DPY19L3: variants seen among roughly 807,000 people sequenced by gnomAD.
DPY19L3 encodes the protein protein C-mannosyl-transferase DPY19L3.
Under a neutral mutation model 92.3 loss-of-function variants are expected in DPY19L3, and 51 were observed. The observed-to-expected ratio is 0.55, with a 90% CI of 0.44 to 0.70. The LOEUF (loss-of-function observed/expected upper bound fraction) is 0.70, where lower values mean the gene tolerates loss of function less well. DPY19L3 is among the 30% of genes least tolerant of loss of function. DPY19L3 has a pLI of 0.00. For synonymous variants in DPY19L3, 309 were observed against 315.2 expected (o/e 0.98, Z 0.21); for missense variants, 706 against 855.9 (o/e 0.82, Z 2.18).
intron 8 of DPY19L3, among the ~76,000 whole-genome samples, chr19:32,451,727 A>C (rs34097184): frequency 0.013 from 2,030 of 152,212 alleles, 22 homozygotes; most frequent in Middle Eastern, 0.034. Flanking sequence ...CGTGTATTCA[A>C]GTTAGTTGTG....
chr19:32,439,191 G>T lies in DPY19L3; in HGVS notation c.676G>T (p.Ala226Ser), dbSNP rs762639315. ...ALPFFAIQIA[A>S]ITYFLRPNLQ... ...GCCATTCTTTGCAATTCAGATAGCAGCAATTACATATTTCCTGAGACCAAA... is the reference window on the plus strand; with the variant it reads ...GCCATTCTTTGCAATTCAGATAGCATCAATTACATATTTCCTGAGACCAAA... Residue 226 changes from alanine to serine, a missense_variant, in exon 7 of 19, where the codon GCA becomes TCA. Coordinates refer to ENST00000392250, the MANE Select transcript of DPY19L3 (RefSeq NM_001172774.2). The T allele has an allele frequency of 6.2e-7, 1 of 1,613,672 alleles. No homozygotes were observed. Among genetic ancestry groups the T allele is most frequent in the African/African-American group, 1.3e-5 (1 of 75,036 alleles).
intron 3 of DPY19L3, among the ~76,000 whole-genome samples, chr19:32,430,900 T>C (rs1424609174): frequency 2.0e-5 from 3 of 151,548 alleles, no homozygotes; most frequent in Admixed American, 2.0e-4. Flanking sequence ...AGTGCATGGC[T>C]ATAGGCATGA....
Position 32,451,816 on chromosome 19 carries a change from G to A in DPY19L3, c.856-1329G>A, listed in dbSNP as rs142334402. Among the ~76,000 whole-genome samples, 768 of 152,126 alleles carry A rather than the reference G, an allele frequency of 5.0e-3. 8 individuals are homozygous for A. Among genetic ancestry groups the A allele is most frequent in the Non-Finnish European group, 7.1e-3 (485 of 67,996 alleles). On this transcript the variant is annotated intron_variant, in intron 8 of 18. Transcript: ENST00000392250. ...ATCCTTAGTGCTCATTATGTGCCAG[G>A]CATTTCCTCCCCACCCACGCCTCCC...
At chr19:32,466,463 G>A (rs552207927) in intron 15 of DPY19L3, among the ~76,000 whole-genome samples, 34 of 152,334 alleles carry the variant, frequency 2.2e-4, no homozygotes, top group Admixed American at 4.6e-4. Context: ...CGCTGGGGGC[G>A]GGGGCGGTCC....
intron 8 of DPY19L3, among the ~76,000 whole-genome samples, chr19:32,447,562 G>A (rs1025371727): frequency 2.3e-4 from 35 of 151,872 alleles, no homozygotes; most frequent in Admixed American, 9.2e-4. Context: ...ACTAAAAATA[G>A]AAAAATTAGC....
At chr19:32,438,940 C>A in intron 6 of DPY19L3, 172 bp from the exon 7 acceptor site, 1 of 710,552 alleles carries the variant, frequency 1.4e-6, no homozygotes, top group Non-Finnish European at 2.2e-6. Context: ...TTTTATGTTA[C>A]AGGGATGATG....
chr19:32,419,680 C>T (rs1338406534), intron 3 of DPY19L3, among the ~76,000 whole-genome samples: 1 of 152,078 alleles, frequency 6.6e-6, no homozygotes, highest in Admixed American at 6.6e-5. Flanking sequence ...GCAAGCCTCC[C>T]ACCTGGGCCT....
At chr19:32,467,262 G>C (rs532801853) in intron 15 of DPY19L3, among the ~76,000 whole-genome samples, 1 of 152,196 alleles carries the variant, frequency 6.6e-6, no homozygotes, top group African/African-American at 2.4e-5. Flanking sequence ...AACATTTTCA[G>C]AATTAATAAC....
rs771788203 is a variant in DPY19L3, at chr19:32,482,167, C to T, written c.2078C>T (p.Pro693Leu). 1.1e-5 allele frequency: 17 copies of T among 1,613,830 alleles called. No individual in the cohort carries two copies. The South Asian group carries it at 1.9e-4, about 18-fold the overall frequency. ...FCEEIKRNLP[P>L]YVAYFTRVFQ... ...GAAGAGATCAAAAGAAACCTGCCTC[C>T]CTACGTGGCCTACTTCACCAGAGTG... The change falls in exon 19 of 19, where the codon CCC becomes CTC. Residue 693 changes from proline to leucine, a missense_variant. By Grantham distance (98) the Pro-to-Leu change is moderately conservative. Transcript: ENST00000392250.
chr19:32,436,343 T>C, intron 4 of DPY19L3, 103 bp from the exon 5 acceptor site: 1 of 848,254 alleles, frequency 1.2e-6, no homozygotes, highest in Non-Finnish European at 1.6e-6. Context: ...CCCCAATGCC[T>C]ACCACAGTCT....
In DPY19L3 at chr19:32,470,683, A is replaced by G. The variant is rs76955534; in HGVS notation, c.1697+1870A>G. Among the ~76,000 whole-genome samples, 11 of 148,018 alleles carry G rather than the reference A, an allele frequency of 7.4e-5. No individual in the cohort carries two copies. In the East Asian group the frequency reaches 1.8e-3, roughly 25 times the overall value. ...GTAAAGAAGAGAATACAAGTGTCCT[A>G]TTTCCCTCGTTTGGGAGGTGATGTT... On this transcript the variant is annotated intron_variant, in intron 16 of 18. Coordinates refer to ENST00000392250, the MANE Select transcript of DPY19L3 (RefSeq NM_001172774.2).
chr19:32,421,369 GTGGCTCACGCC>G (rs1196541959), intron 3 of DPY19L3, among the ~76,000 whole-genome samples: 1 of 152,192 alleles, frequency 6.6e-6, no homozygotes, highest in African/African-American at 2.4e-5. Flanking sequence ...GCCAGGCAAG[GTGGCTCACGCC>G]TGTAATCCCA....
chr19:32,408,091 G>GAAAAAAA lies in DPY19L3; in HGVS notation c.-37-123_-37-117dup, dbSNP rs993782644. ...CAGTGAGACCCTGTCTTGGGGGGAA[G>GAAAAAAA]AAAAAAAAAGGGAGGGCATGCTAAT... is the stretch of plus-strand genomic sequence containing the variant. On this transcript the variant is annotated intron_variant, in intron 1 of 18. Coordinates refer to ENST00000392250, the MANE Select transcript of DPY19L3 (RefSeq NM_001172774.2). The GAAAAAAA allele has an allele frequency of 8.9e-5, 52 of 586,712 alleles. No individual in the cohort carries two copies. The South Asian group carries it at 1.1e-3, about 12-fold the overall frequency. 36.3% of individuals were successfully genotyped at this position (586,712 alleles called of 1,614,324 possible).
In DPY19L3 at chr19:32,457,780, A is replaced by T. The variant is rs544279601; in HGVS notation, c.1090-320A>T. Among the ~76,000 whole-genome samples, 7 of 152,352 alleles carry T rather than the reference A, an allele frequency of 4.6e-5. No homozygotes were observed. The East Asian group carries it at 1.3e-3, about 29-fold the overall frequency. On this transcript the variant is annotated intron_variant, in intron 10 of 18. Transcript: ENST00000392250. ...TGTCAGTTTTCTGGTCTGAAAACTTATGCACACTATGCCTCAGCCTTCTCC... is the reference window on the plus strand; with the variant it reads ...TGTCAGTTTTCTGGTCTGAAAACTTTTGCACACTATGCCTCAGCCTTCTCC...
intron 8 of DPY19L3, among the ~76,000 whole-genome samples, chr19:32,451,206 T>C (rs1230314712): frequency 6.6e-6 from 1 of 152,234 alleles, no homozygotes; most frequent in East Asian, 1.9e-4. Context: ...ATTTAAAATT[T>C]AAGTTTTCAC....
intron 8 of DPY19L3, among the ~76,000 whole-genome samples, chr19:32,440,594 A>C (rs1030607649): frequency 3.3e-5 from 5 of 152,218 alleles, no homozygotes; most frequent in Non-Finnish European, 7.3e-5. Context: ...AAGGAGATCC[A>C]GTAAGCTTCC....
rs781287756 is a variant in DPY19L3 at position 32,458,349 on chromosome 19, A to G, written c.1164-2A>G. On this transcript the variant is annotated splice_acceptor_variant, in intron 11 of 18. Coordinates refer to ENST00000392250, the MANE Select transcript of DPY19L3 (RefSeq NM_001172774.2). LOFTEE classifies it high-confidence loss of function. The stretch of plus-strand genomic sequence containing the variant: ...ATACTTTGCTTTCCATTTGTTCCCT[A>G]GGGATTTTGATGCAAATCTCTATCT... The G allele has an allele frequency of 6.2e-7, 1 of 1,609,762 alleles. No homozygotes were observed.
intron 12 of DPY19L3, among the ~76,000 whole-genome samples, chr19:32,459,527 A>C (rs975042750): frequency 2.0e-5 from 3 of 152,230 alleles, no homozygotes; most frequent in Admixed American, 6.5e-5. Flanking sequence ...ATCCTTGAGA[A>C]GTGTTCTTTT....
chr19:32,463,248 G>A, intron 12 of DPY19L3, 118 bp from the exon 13 acceptor site: 1 of 1,134,092 alleles, frequency 8.8e-7, no homozygotes, highest in Non-Finnish European at 1.3e-6. Context: ...TTCATCTTAT[G>A]GAAATAATCA....
Sources: gnomAD v4.1 joint callset for allele counts (sites outside exome capture counted in the v4.1 genomes callset) on GRCh38, gnomAD v4.1.1 for gene constraint, MANE v1.5 for transcripts, NCBI Gene and HGNC (gene_info 2026-07-23, HGNC 2026-07-21) for gene names.